The following SLC15A1 variants were observed in gnomAD, a reference collection of about 807,000 sequenced individuals.
SLC15A1 encodes the protein solute carrier family 15 member 1.
SLC15A1 carries 83 observed loss-of-function variants against 92.9 expected under a neutral mutation model. The observed-to-expected ratio is 0.89, with a 90% CI of 0.75 to 1.07. SLC15A1 has a LOEUF of 1.07. SLC15A1 is among the 50% of genes least tolerant of loss of function. The probability of loss-of-function intolerance (pLI) is 0.00; values close to 1 mark genes in which losing one functional copy is unlikely to be tolerated. For synonymous variants in SLC15A1, 322 were observed against 318.2 expected, an observed-to-expected ratio of 1.01 and a Z score of -0.13; for missense variants, 857 against 880.1, an observed-to-expected ratio of 0.97 and a Z score of 0.33.
intron 9 of SLC15A1, among the ~76,000 whole-genome samples, chr13:98,713,006 T>C (rs140236237): frequency 0.011 from 1,655 of 152,334 alleles, 42 homozygotes; most frequent in African/African-American, 0.038. Flanking sequence ...TTCTTCCATA[T>C]TGTCTTCAAA....
At position 98,692,895 on chromosome 13, in the gene SLC15A1, G is replaced by C. The variant is rs535583534; in HGVS notation, c.1467-4318C>G. 5.8e-4 allele frequency among the ~76,000 whole-genome samples: 88 copies of C among 151,900 alleles called. 1 individual carries two copies. The highest frequency in any genetic ancestry group is 1.9e-3 in the African/African-American group (80 of 41,414). On this transcript the variant is annotated intron_variant, in intron 18 of 22. Coordinates refer to ENST00000376503, the MANE Select transcript of SLC15A1 (RefSeq NM_005073.4). The stretch of plus-strand genomic sequence containing the variant: ...CCGAGTAGCTGGGACACACCACCAT[G>C]CCTGGCTAATTTTTGTCTTTTTTTG...
chr13:98,704,217 T>C, intron 17 of SLC15A1, 72 bp downstream of exon 17: 1 of 1,453,566 alleles, frequency 6.9e-7, no homozygotes, highest in Non-Finnish European at 9.2e-7. Context: ...TAAAACAAAG[T>C]CACACCATAA....
chr13:98,721,214 G>A (rs1208523094), intron 7 of SLC15A1: 5 of 582,370 alleles, frequency 8.6e-6, no homozygotes, highest in South Asian at 1.5e-5. Context: ...CTCTTACCAC[G>A]AGCATGACTT....
intron 1 of SLC15A1, among the ~76,000 whole-genome samples, chr13:98,742,612 A>T (rs559836674): frequency 1.3e-5 from 2 of 149,362 alleles, no homozygotes; most frequent in South Asian, 4.1e-4. Flanking sequence ...CCTTCAGAGG[A>T]CGCAAGGGAG....
chr13:98,721,429 GA>G (rs1566452816), intron 7 of SLC15A1, 65 bp downstream of exon 7: 1 of 1,106,968 alleles, frequency 9.0e-7, no homozygotes, highest in East Asian at 2.4e-5. Context: ...AGAACAAAAC[GA>G]AGAAGACACG....
At chr13:98,699,204 A>G (rs1442839888) in intron 18 of SLC15A1, among the ~76,000 whole-genome samples, 2 of 152,176 alleles carry the variant, frequency 1.3e-5, no homozygotes, top group African/African-American at 4.8e-5. Context: ...TATTCTGTCA[A>G]TGCCACTCTT....
At chr13:98,744,240 CAAAAAAAAA>C (rs898374872) in intron 1 of SLC15A1, among the ~76,000 whole-genome samples, 1 of 42,368 alleles carries the variant, frequency 2.4e-5, no homozygotes, top group African/African-American at 9.0e-5. Flanking sequence ...GACTCTGTCT[CAAAAAAAAA>C]AAAAAAAAAA....
chr13:98,712,399 A>G (rs1169625359), intron 10 of SLC15A1, 99 bp downstream of exon 10: 5 of 905,278 alleles, frequency 5.5e-6, no homozygotes, highest in Non-Finnish European at 7.2e-6. Context: ...GGAAGGTATC[A>G]CTGACCATTT....
chr13:98,735,047 C>G (rs2088380797), intron 1 of SLC15A1, among the ~76,000 whole-genome samples: 1 of 152,280 alleles, frequency 6.6e-6, no homozygotes, highest in Non-Finnish European at 1.5e-5. Context: ...GAATTTTAGA[C>G]CAATATCCCT....
At chr13:98,696,069 C>T (rs2088018063) in intron 18 of SLC15A1, among the ~76,000 whole-genome samples, 1 of 151,470 alleles carries the variant, frequency 6.6e-6, no homozygotes, top group South Asian at 2.1e-4. Context: ...TGTTGCTAAT[C>T]TCGTGGGTCT....
chr13:98,699,294 CCT>C (rs1364057280), intron 18 of SLC15A1, among the ~76,000 whole-genome samples: 1 of 152,116 alleles, frequency 6.6e-6, no homozygotes, highest in Non-Finnish European at 1.5e-5. Context: ...GTGAGCTGTC[CCT>C]CTGTTCCCCT....
intron 5 of SLC15A1, 101 bp downstream of exon 5, chr13:98,723,811 C>A: frequency 2.6e-6 from 4 of 1,540,202 alleles, no homozygotes; most frequent in Non-Finnish European, 3.5e-6. Context: ...GAAAAACCTC[C>A]TTATGCTCTC....
intron 1 of SLC15A1, among the ~76,000 whole-genome samples, chr13:98,749,222 G>A (rs2088521508): frequency 6.6e-6 from 1 of 152,176 alleles, no homozygotes; most frequent in African/African-American, 2.4e-5. Flanking sequence ...CCAGGTGTGA[G>A]GGACCTTCAC....
chr13:98,726,770 G>T (rs1382612321), intron 2 of SLC15A1, 73 bp downstream of exon 2: 1 of 1,428,906 alleles, frequency 7.0e-7, no homozygotes. Flanking sequence ...TTAGGTGAAT[G>T]AACCCTTAGG....
At chr13:98,712,606 G>A (rs200308519) in intron 9 of SLC15A1, 22 bp from the exon 10 acceptor site, 512 of 1,572,300 alleles carry the variant, frequency 3.3e-4, no homozygotes, top group Admixed American at 5.6e-4. Flanking sequence ...AAGAAAAATC[G>A]AATTTCAAAA....
chr13:98,747,565 G>A (rs536342363), intron 1 of SLC15A1, among the ~76,000 whole-genome samples: 1 of 152,194 alleles, frequency 6.6e-6, no homozygotes, highest in South Asian at 2.1e-4. Context: ...TAACTCAAAG[G>A]GCAGTAGAAA....
At chr13:98,735,812 C>A (rs192992973) in intron 1 of SLC15A1, among the ~76,000 whole-genome samples, 1 of 152,126 alleles carries the variant, frequency 6.6e-6, no homozygotes, top group Admixed American at 6.5e-5. Context: ...TTAAGGAGAA[C>A]CACAAACCAC....
intron 15 of SLC15A1, 89 bp from the exon 16 acceptor site, chr13:98,706,342 G>A (rs1593988567): frequency 2.1e-6 from 3 of 1,451,534 alleles, no homozygotes; most frequent in South Asian, 1.2e-5. Context: ...CTTTCCTCCA[G>A]CTGGGAAAAG....
intron 1 of SLC15A1, among the ~76,000 whole-genome samples, chr13:98,750,670 C>T (rs1274518088): frequency 3.3e-5 from 5 of 152,076 alleles, no homozygotes; most frequent in East Asian, 1.9e-4. Flanking sequence ...TCCCCTGCCT[C>T]GTTCGCCAAC....
Sources: allele counts gnomAD v4.1 joint callset (sites outside exome capture counted in the v4.1 genomes callset), GRCh38; gene constraint gnomAD v4.1.1; transcripts MANE v1.5; gene names NCBI Gene and HGNC (gene_info 2026-07-23, HGNC 2026-07-21).